MEGF10: variants seen among roughly 807,000 people sequenced by gnomAD.
MEGF10 encodes the protein multiple epidermal growth factor-like domains protein 10.
In MEGF10, 86 loss-of-function variants were observed where a neutral mutation model predicts 147.5. The observed-to-expected ratio is 0.58, with a 90% CI of 0.49 to 0.70. MEGF10 has a LOEUF of 0.70. MEGF10 is among the 30% of genes least tolerant of loss of function. MEGF10 has a pLI of 0.00. For missense variants in MEGF10, 1,329 were observed against 1,487.3 expected, an observed-to-expected ratio of 0.89 and a Z score of 1.75; for synonymous variants, 478 against 525.5, an observed-to-expected ratio of 0.91 and a Z score of 1.24.
In MEGF10 at chr5:127,435,490, G is replaced by A. The variant is rs1298663120; in HGVS notation, c.2104+1G>A. The A allele has an allele frequency of 9.3e-6, 15 of 1,611,782 alleles. No individual in the cohort carries two copies. Among genetic ancestry groups the A allele is most frequent in the South Asian group, 6.6e-5 (6 of 90,490 alleles). On this transcript the variant is annotated splice_donor_variant, in intron 16 of 24. Transcript: ENST00000503335. LOFTEE classifies it high-confidence loss of function. ...TGGATTGGCAGTGACTGCTCTCAAC[G>A]TAAGTCTTGTTTGAGAACAATTAAT...
At chr5:127,242,795 A>G in the MEGF10 span, among the ~76,000 whole-genome samples, 1 of 152,130 alleles carries the variant, frequency 6.6e-6, no homozygotes, top group African/African-American at 2.4e-5. Context: ...AAAAATGGTG[A>G]TGGGTTTTGA....
chr5:127,406,824 T>A (rs150445198), intron 8 of MEGF10, among the ~76,000 whole-genome samples: 1 of 152,266 alleles, frequency 6.6e-6, no homozygotes, highest in African/African-American at 2.4e-5. Context: ...GGTTTCCAGA[T>A]CCTTAAAAAA....
chr5:127,416,789 G>A (rs1022954287), intron 9 of MEGF10, among the ~76,000 whole-genome samples: 7 of 152,204 alleles, frequency 4.6e-5, no homozygotes, highest in African/African-American at 1.7e-4. Flanking sequence ...TACTTAGGTA[G>A]TGGGAGAACT....
At chr5:127,364,086 C>G (rs1415531305) in intron 4 of MEGF10, among the ~76,000 whole-genome samples, 1 of 152,192 alleles carries the variant, frequency 6.6e-6, no homozygotes, top group Non-Finnish European at 1.5e-5. Flanking sequence ...TAACTGCTTC[C>G]ACAGTCCCCA....
the MEGF10 span, among the ~76,000 whole-genome samples, chr5:127,239,376 GACACACACACAC>G: frequency 1.1e-4 from 14 of 123,480 alleles, no homozygotes; most frequent in Admixed American, 3.5e-4. Flanking sequence ...GATGATGGAA[GACACACACACAC>G]ACACACACAC....
At chr5:127,260,980 A>G in the MEGF10 span, among the ~76,000 whole-genome samples, 1 of 152,166 alleles carries the variant, frequency 6.6e-6, no homozygotes, top group African/African-American at 2.4e-5. Context: ...AGTACAGTAC[A>G]GGAACTGTAG....
At chr5:127,291,376 T>C (rs1759248971) in intron 1 of MEGF10, among the ~76,000 whole-genome samples, 1 of 152,216 alleles carries the variant, frequency 6.6e-6, no homozygotes, top group African/African-American at 2.4e-5. Flanking sequence ...TGCCGGGCGA[T>C]ATAGCTGGAT....
chr5:127,407,544 A>G (rs1304057616), intron 8 of MEGF10, among the ~76,000 whole-genome samples: 1 of 152,180 alleles, frequency 6.6e-6, no homozygotes, highest in Non-Finnish European at 1.5e-5. Flanking sequence ...CTTGAAATGT[A>G]AAAAAATTGG....
At chr5:127,315,314 A>C (rs1004055485) in intron 1 of MEGF10, among the ~76,000 whole-genome samples, 1 of 152,120 alleles carries the variant, frequency 6.6e-6, no homozygotes, top group African/African-American at 2.4e-5. Context: ...CTTGGTGTGC[A>C]TTTATGCCCA....
the MEGF10 span, among the ~76,000 whole-genome samples, chr5:127,244,594 C>T: frequency 2.6e-5 from 4 of 152,008 alleles, no homozygotes; most frequent in African/African-American, 9.7e-5. Flanking sequence ...AGAACAAATG[C>T]TAGAAGCAGC....
In MEGF10 at chr5:127,377,079, C is replaced by G. The variant is rs554669420; in HGVS notation, c.412+7077C>G. ...ATGATGAATTCATAATGGCACCCAT[C>G]TAGACTTTCCTCATTCATAATCTTG... On this transcript the variant is annotated intron_variant, in intron 5 of 24. Transcript: ENST00000503335. Among the ~76,000 whole-genome samples, 12 of 152,240 alleles carry G rather than the reference C, an allele frequency of 7.9e-5. No homozygotes were observed. The East Asian group carries it at 2.3e-3, about 29-fold the overall frequency.
intron 1 of MEGF10, among the ~76,000 whole-genome samples, chr5:127,316,804 C>T (rs1240825648): frequency 6.6e-6 from 1 of 152,108 alleles, no homozygotes; most frequent in Non-Finnish European, 1.5e-5. Flanking sequence ...TGTGTTACTA[C>T]TCTGACGAAG....
At chr5:127,364,277 G>A (rs1425813676) in intron 4 of MEGF10, among the ~76,000 whole-genome samples, 3 of 152,062 alleles carry the variant, frequency 2.0e-5, no homozygotes, top group Non-Finnish European at 4.4e-5. Context: ...ATCAATCCAC[G>A]TTAACCCACA....
At chr5:127,234,797 A>T in the MEGF10 span, among the ~76,000 whole-genome samples, 1 of 150,202 alleles carries the variant, frequency 6.7e-6, no homozygotes. Flanking sequence ...CTATCATCTC[A>T]TCTATATTGG....
At chr5:127,293,004 T>A (rs1759327774) in intron 1 of MEGF10, among the ~76,000 whole-genome samples, 1 of 152,180 alleles carries the variant, frequency 6.6e-6, no homozygotes. Flanking sequence ...TAAGAGCACA[T>A]AAAAAGCACG....
upstream of MEGF10, among the ~76,000 whole-genome samples, chr5:127,289,301 G>T (rs1759133143): frequency 6.6e-6 from 1 of 152,134 alleles, no homozygotes; most frequent in South Asian, 2.1e-4. Flanking sequence ...AATATCTTTG[G>T]GTAATAAGTG....
Position 127,339,112 on chromosome 5 carries a change from C to A in MEGF10, c.117-8C>A. ...ATACTGATTTCTTATTTTTCCATTT[C>A]TTTTCAGCTACTCAGTGACTGTGCA... is the stretch of plus-strand genomic sequence containing the variant. On this transcript the variant is annotated splice_region_variant and splice_polypyrimidine_tract_variant and intron_variant, in intron 2 of 24. Coordinates refer to ENST00000503335, the MANE Select transcript of MEGF10 (RefSeq NM_001256545.2). The A allele has an allele frequency of 6.4e-7, 1 of 1,555,324 alleles. No individual in the cohort carries two copies. Among genetic ancestry groups the A allele is most frequent in the Non-Finnish European group, 8.8e-7 (1 of 1,137,588 alleles).
chr5:127,238,287 C>T, the MEGF10 span, among the ~76,000 whole-genome samples: 2 of 152,070 alleles, frequency 1.3e-5, no homozygotes, highest in African/African-American at 4.8e-5. Context: ...AACTCCTGAA[C>T]TCAAGTGGTC....
chr5:127,279,580 A>G, the MEGF10 span, among the ~76,000 whole-genome samples: 1 of 152,146 alleles, frequency 6.6e-6, no homozygotes. Flanking sequence ...TGAAAACAGC[A>G]GTTCCTCCCA....
Sources: gnomAD v4.1 joint callset for allele counts (sites outside exome capture counted in the v4.1 genomes callset) on GRCh38, gnomAD v4.1.1 for gene constraint, MANE v1.5 for transcripts, NCBI Gene and HGNC (gene_info 2026-07-23, HGNC 2026-07-21) for gene names.